The following WWOX variants were observed in gnomAD, a reference collection of about 807,000 sequenced individuals.
WWOX encodes the protein WW domain-containing oxidoreductase.
WWOX carries 69 observed loss-of-function variants against 46.2 expected under a neutral mutation model. The ratio of observed to expected loss-of-function variants is 1.49; its 90% CI spans 1.23 to 1.82. The LOEUF (loss-of-function observed/expected upper bound fraction) is 1.82, where lower values mean the gene tolerates loss of function less well. WWOX is among the 40% of genes most tolerant of loss of function. WWOX has a pLI of 0.00. For missense variants in WWOX, 919 were observed against 542.6 expected (o/e 1.69, Z -6.89); for synonymous variants, 359 against 202.6 (o/e 1.77, Z -6.56).
At chr16:79,013,838 A>G (rs565589179) in intron 8 of WWOX, among the ~76,000 whole-genome samples, 3 of 151,880 alleles carry the variant, frequency 2.0e-5, no homozygotes, top group East Asian at 1.9e-4. Flanking sequence ...TCTTTATTCT[A>G]CTTTTCATTC....
At chr16:78,367,001 A>T (rs1337187283) in intron 5 of WWOX, among the ~76,000 whole-genome samples, 1 of 110,476 alleles carries the variant, frequency 9.1e-6, no homozygotes, top group Non-Finnish European at 1.7e-5. Context: ...TTTTTTTAAG[A>T]CGTAGTCTTG....
At chr16:78,148,115 A>G (rs1488496904) in intron 4 of WWOX, among the ~76,000 whole-genome samples, 1 of 152,240 alleles carries the variant, frequency 6.6e-6, no homozygotes, top group East Asian at 1.9e-4. Flanking sequence ...TAGTGTGCTT[A>G]CAAATTCAGA....
chr16:78,631,228 G>C (rs1211071833), intron 8 of WWOX, among the ~76,000 whole-genome samples: 1 of 152,152 alleles, frequency 6.6e-6, no homozygotes, highest in Non-Finnish European at 1.5e-5. Context: ...ACATTTAGGA[G>C]TGGATGCAGG....
intron 8 of WWOX, among the ~76,000 whole-genome samples, chr16:78,740,958 C>G (rs1403776499): frequency 2.0e-5 from 3 of 152,142 alleles, no homozygotes; most frequent in Admixed American, 6.5e-5. Context: ...TGTTGGAGAA[C>G]TGTGCAAATA....
At chr16:79,028,903 A>AG (rs1219903419) in intron 8 of WWOX, among the ~76,000 whole-genome samples, 1 of 151,344 alleles carries the variant, frequency 6.6e-6, no homozygotes, top group Non-Finnish European at 1.5e-5. Context: ...CACTAGAAAA[A>AG]AAAATGTTCA....
chr16:78,138,249 CAA>C, intron 4 of WWOX, among the ~76,000 whole-genome samples: 4 of 150,938 alleles, frequency 2.7e-5, no homozygotes, highest in Non-Finnish European at 4.4e-5. Context: ...ATTGTGTGTT[CAA>C]TGACTTACCT....
At chr16:78,581,545 A>G (rs927255237) in intron 8 of WWOX, among the ~76,000 whole-genome samples, 1 of 152,168 alleles carries the variant, frequency 6.6e-6, no homozygotes, top group African/African-American at 2.4e-5. Context: ...GTTAATGGTA[A>G]TGATCTTTTT....
chr16:78,686,558 C>T (rs916217561), intron 8 of WWOX, among the ~76,000 whole-genome samples: 1 of 151,888 alleles, frequency 6.6e-6, no homozygotes, highest in Non-Finnish European at 1.5e-5. Flanking sequence ...CTGTTTTCAC[C>T]CCAGAAATCC....
At chr16:78,890,048 A>T (rs963835195) in intron 8 of WWOX, among the ~76,000 whole-genome samples, 3 of 152,158 alleles carry the variant, frequency 2.0e-5, no homozygotes, top group African/African-American at 7.2e-5. Flanking sequence ...GTGGCACAAA[A>T]ACATTGCATT....
chr16:78,509,005 G>C (rs2151484025), intron 8 of WWOX, among the ~76,000 whole-genome samples: 1 of 152,392 alleles, frequency 6.6e-6, no homozygotes, highest in South Asian at 2.1e-4. Flanking sequence ...TTAAAGGCGT[G>C]CATGTGTGGC....
rs1000311515 is a variant in WWOX at position 78,342,259 on chromosome 16, G to A, written c.517-44601G>A. 5.8e-5 allele frequency among the ~76,000 whole-genome samples: 7 copies of A among 121,240 alleles called. 2 individuals carry two copies. Among genetic ancestry groups the A allele is most frequent in the African/African-American group, 1.4e-4 (5 of 35,810 alleles). 79.5% of individuals were successfully genotyped at this position (121,240 alleles called of 152,430 possible). ...GCTGCTACGACAAACAACTTGCAAC[G>A]TCTCATTATCTTCATACAACAAACG... On this transcript the variant is annotated intron_variant, in intron 5 of 8. Transcript: ENST00000566780.
chr16:78,778,131 A>G (rs2050237196), intron 8 of WWOX, among the ~76,000 whole-genome samples: 1 of 152,028 alleles, frequency 6.6e-6, no homozygotes, highest in Non-Finnish European at 1.5e-5. Flanking sequence ...TCTGAAGTTC[A>G]AACTGGTGAT....
chr16:78,513,206 T>C (rs571019943), intron 8 of WWOX, among the ~76,000 whole-genome samples: 2 of 152,294 alleles, frequency 1.3e-5, no homozygotes, highest in Admixed American at 6.5e-5. Flanking sequence ...AGGATATGAA[T>C]TGACAAATTA....
chr16:78,237,840 G>T (rs1351474041), intron 5 of WWOX, among the ~76,000 whole-genome samples: 4 of 152,032 alleles, frequency 2.6e-5, no homozygotes, highest in Admixed American at 2.0e-4. Context: ...TAATAGCCTC[G>T]GTTTTGCCTC....
intron 8 of WWOX, among the ~76,000 whole-genome samples, chr16:79,035,653 C>G (rs368716845): frequency 2.0e-5 from 3 of 152,190 alleles, no homozygotes; most frequent in Admixed American, 2.0e-4. Context: ...ATTCTCCTGC[C>G]TCAGCCTCCC....
At chr16:78,794,258 T>G (rs1024785282) in intron 8 of WWOX, among the ~76,000 whole-genome samples, 1 of 152,222 alleles carries the variant, frequency 6.6e-6, no homozygotes, top group African/African-American at 2.4e-5. Context: ...ACATTGAATT[T>G]GCTGCTTCCT....
chr16:79,110,305 C>G (rs1054660853), intron 8 of WWOX, among the ~76,000 whole-genome samples: 3 of 152,146 alleles, frequency 2.0e-5, no homozygotes, highest in African/African-American at 7.2e-5. Context: ...CTCTTCTCCT[C>G]TTACCTTTTT....
At chr16:78,740,467 C>T (rs962448915) in intron 8 of WWOX, among the ~76,000 whole-genome samples, 3 of 152,114 alleles carry the variant, frequency 2.0e-5, no homozygotes, top group African/African-American at 7.2e-5. Flanking sequence ...GGGAAGGCAG[C>T]CTTGGAAAAC....
At chr16:78,412,924 C>T (rs1016288340) in intron 6 of WWOX, among the ~76,000 whole-genome samples, 4 of 152,166 alleles carry the variant, frequency 2.6e-5, no homozygotes, top group African/African-American at 7.2e-5. Context: ...CTTCCCAGCC[C>T]TTGTCTTTTT....
Sources: gnomAD v4.1 joint callset for allele counts (sites outside exome capture counted in the v4.1 genomes callset) on GRCh38, gnomAD v4.1.1 for gene constraint, MANE v1.5 for transcripts, NCBI Gene and HGNC (gene_info 2026-07-23, HGNC 2026-07-21) for gene names.